Variants in INTS8 observed in about 807,000 individuals in gnomAD.
INTS8 encodes the protein integrator complex subunit 8.
INTS8 carries 47 observed loss-of-function variants against 138.9 expected under a neutral mutation model. The observed-to-expected ratio is 0.34, with a 90% CI of 0.27 to 0.43. INTS8 has a LOEUF of 0.43. Ranked by LOEUF, INTS8 falls within the 20% of genes least tolerant of loss-of-function variation. The pLI is 1.00. For synonymous variants in INTS8, 392 were observed against 400.9 expected (o/e 0.98, Z 0.27); for missense variants, 996 against 1,173.0 (o/e 0.85, Z 2.20).
In INTS8 at chr8:94,856,785, C is replaced by G. The variant is rs200332946; in HGVS notation, c.1761C>G (p.Ser587=). The change falls in exon 15 of 27, where the codon TCC becomes TCG. Residue 587 remains serine (S), a synonymous_variant. Coordinates refer to ENST00000523731, the MANE Select transcript of INTS8 (RefSeq NM_017864.4). ...TCTTTTTCTTTTCATAGGACTTTTC[C>G]CATGCTAAACAGCTCTTTGCTGCTT... ...GLHCSTVKDF[S]HAKQLFAACL... is the part of the protein sequence containing the mutation. The G allele has an allele frequency of 2.5e-6, 4 of 1,614,000 alleles. No individual in the cohort carries two copies. The highest frequency in any genetic ancestry group is 1.6e-4 in the Middle Eastern group (1 of 6,062).
intron 2 of INTS8, 107 bp downstream of exon 2, chr8:94,825,174 G>A (rs1814444491): frequency 2.6e-6 from 2 of 773,808 alleles, no homozygotes; most frequent in Non-Finnish European, 2.1e-6. Context: ...CGTGCTGGGC[G>A]CCGTGGCTCA....
At position 94,881,603 on chromosome 8, in the gene INTS8, A is replaced by G; in HGVS notation, c.*1369A>G. On this transcript the variant is annotated 3_prime_UTR_variant, in exon 27 of 27. Transcript: ENST00000523731. ...TACCAGTTCTACCCAATCTTGGTGA[A>G]TTCCAACTTGTTTGCTTAGTTATCT... 1 of 1,609,824 alleles carries G rather than the reference A, an allele frequency of 6.2e-7. No individual in the cohort carries two copies. Among genetic ancestry groups the G allele is most frequent in the Non-Finnish European group, 8.5e-7 (1 of 1,178,452 alleles).
In INTS8 at chr8:94,853,843, A is replaced by T; in HGVS notation, c.1680A>T (p.Gly560=). The change falls in exon 14 of 27, where the codon GGA becomes GGT. Residue 560 remains glycine, a synonymous_variant. Coordinates refer to ENST00000523731, the MANE Select transcript of INTS8 (RefSeq NM_017864.4). ...VPSVYSGVIL[G]IKDNLTRDLV... Reference sequence around the variant, plus strand: ...CTGTCTATAGTGGTGTTATCCTGGGAATTAAAGACAATTTAACAAGAGATT... The same window carrying T: ...CTGTCTATAGTGGTGTTATCCTGGGTATTAAAGACAATTTAACAAGAGATT... 2 of 1,611,560 alleles carry T rather than the reference A, an allele frequency of 1.2e-6. No homozygotes were observed. Among genetic ancestry groups the T allele is most frequent in the Non-Finnish European group, 1.7e-6 (2 of 1,177,722 alleles).
chr8:94,876,374 AC>A, intron 25 of INTS8, 71 bp from the exon 26 acceptor site: 1 of 1,429,340 alleles, frequency 7.0e-7, no homozygotes, highest in Non-Finnish European at 9.7e-7. Context: ...CCAAATCAAA[AC>A]TGAAAATGAG....
At chr8:94,874,473 C>T in intron 22 of INTS8, 79 bp from the exon 23 acceptor site, 1 of 783,154 alleles carries the variant, frequency 1.3e-6, no homozygotes, top group South Asian at 1.4e-5. Flanking sequence ...CCTCTTTTGA[C>T]ATCCCATACC....
At chr8:94,824,135 G>A (rs1301098478) in intron 1 of INTS8, among the ~76,000 whole-genome samples, 1 of 152,200 alleles carries the variant, frequency 6.6e-6, no homozygotes, top group African/African-American at 2.4e-5. Flanking sequence ...ATGATTAATA[G>A]CCCAGTTAAA....
At position 94,880,980 on chromosome 8, in the gene INTS8, T is replaced by C. The variant is rs998173135; in HGVS notation, c.*746T>C. The C allele has an allele frequency of 5.0e-6, 2 of 398,634 alleles. No individual in the cohort carries two copies. Among genetic ancestry groups the C allele is most frequent in the Non-Finnish European group, 8.9e-6 (2 of 225,888 alleles). 24.7% of individuals were successfully genotyped at this position (398,634 alleles called of 1,614,324 possible). A position where few individuals can be genotyped will look rare whatever the true frequency, so the allele number is the denominator to read the frequency against. Reference sequence around the variant, plus strand: ...TACTCCCACTGTTTAGAGCACAGGTTGAACACCATGTTCATCTAAGCCTTA... The same window carrying C: ...TACTCCCACTGTTTAGAGCACAGGTCGAACACCATGTTCATCTAAGCCTTA... On this transcript the variant is annotated 3_prime_UTR_variant, in exon 27 of 27. Transcript: ENST00000523731.
At chr8:94,871,647 C>T (rs1816402039) in intron 20 of INTS8, among the ~76,000 whole-genome samples, 1 of 152,190 alleles carries the variant, frequency 6.6e-6, no homozygotes, top group South Asian at 2.1e-4. Context: ...CTACCTTTGA[C>T]ATTCTGAAGA....
intron 16 of INTS8, among the ~76,000 whole-genome samples, 159 bp from the exon 17 acceptor site, chr8:94,865,347 T>C (rs1028637091): frequency 6.6e-6 from 1 of 152,234 alleles, no homozygotes; most frequent in Non-Finnish European, 1.5e-5. Flanking sequence ...CAATGAGCCC[T>C]AAATTCCTCA....
At position 94,825,062 on chromosome 8, in the gene INTS8, G is replaced by A. The variant is rs141032302; in HGVS notation, c.300G>A (p.Glu100=). The change falls in exon 2 of 27, where the codon GAG becomes GAA. Residue 100 remains glutamate, a synonymous_variant. Coordinates refer to ENST00000523731, the MANE Select transcript of INTS8 (RefSeq NM_017864.4). ...AHLKWDLDIL[E]KSLSVPVLNM... The stretch of plus-strand genomic sequence containing the variant: ...TGAAGTGGGACTTAGACATATTAGA[G>A]AAAAGGTATCCAAGATTTCAGTGAA... The A allele has an allele frequency of 2.0e-4, 314 of 1,594,878 alleles. No individual in the cohort carries two copies. The African/African-American group carries it at 3.1e-3, about 16-fold the overall frequency.
In INTS8 at chr8:94,867,037, G is replaced by A. The variant is rs1816202808; in HGVS notation, c.2296-103G>A. The A allele has an allele frequency of 3.3e-6, 3 of 900,626 alleles. No individual in the cohort carries two copies. The African/African-American group carries it at 5.1e-5, about 15-fold the overall frequency. 55.8% of individuals were successfully genotyped at this position (900,626 alleles called of 1,614,324 possible). The stretch of plus-strand genomic sequence containing the variant: ...TAAAACAGATGCTACATTTTCAAAA[G>A]GCAAGGGTCTTTTAGAATGCTTGAT... On this transcript the variant is annotated intron_variant, in intron 18 of 26. Coordinates refer to ENST00000523731, the MANE Select transcript of INTS8 (RefSeq NM_017864.4).
chr8:94,845,048 C>A (rs1815283082), intron 10 of INTS8, among the ~76,000 whole-genome samples: 2 of 152,156 alleles, frequency 1.3e-5, no homozygotes, highest in African/African-American at 2.4e-5. Context: ...GCCACCACGC[C>A]CAGCTTAGTT....
At chr8:94,832,506 ATAT>A (rs1396469190) in intron 6 of INTS8, among the ~76,000 whole-genome samples, 1 of 152,196 alleles carries the variant, frequency 6.6e-6, no homozygotes, top group Non-Finnish European at 1.5e-5. Flanking sequence ...ATAAAAACTA[ATAT>A]TATGCTAGAC....
At chr8:94,860,031 CTA>C (rs941983162) in intron 16 of INTS8, 43 of 156,612 alleles carry the variant, frequency 2.7e-4, no homozygotes, top group Non-Finnish European at 5.7e-4. Context: ...TCTAAGTTTG[CTA>C]TGTCTGAATC....
At position 94,865,690 on chromosome 8, in the gene INTS8, G is replaced by A. The variant is rs1393118318; in HGVS notation, c.2261G>A (p.Arg754Gln). ...GAATCTACGTTAGGTATCATGTATCGGTATGTATTGGTACGTTTCTATTAG... is the reference window on the plus strand; with the variant it reads ...GAATCTACGTTAGGTATCATGTATCAGTATGTATTGGTACGTTTCTATTAG... ...QRESTLGIMY[R>Q]SELLSFIKKL... The change falls in exon 17 of 27, where the codon CGG (arginine) becomes CAG (glutamine). Residue 754 changes from arginine (R) to glutamine (Q), a missense_variant and splice_region_variant. By Grantham distance (43) the Arg-to-Gln change is conservative. Coordinates refer to ENST00000523731, the MANE Select transcript of INTS8 (RefSeq NM_017864.4). The A allele has an allele frequency of 1.2e-6, 2 of 1,611,480 alleles. No individual in the cohort carries two copies.
At chr8:94,870,208 T>C (rs1025868787) in intron 20 of INTS8, among the ~76,000 whole-genome samples, 5 of 151,964 alleles carry the variant, frequency 3.3e-5, no homozygotes, top group South Asian at 2.1e-4. Context: ...CCCACCACCA[T>C]GCCTGGCTAA....
intron 17 of INTS8, among the ~76,000 whole-genome samples, 198 bp from the exon 18 acceptor site, chr8:94,865,960 G>A (rs1816162575): frequency 6.6e-6 from 1 of 152,106 alleles, no homozygotes; most frequent in Non-Finnish European, 1.5e-5. Context: ...ATTTAAGGTT[G>A]GATAGTATTG....
At chr8:94,857,064 T>G in intron 15 of INTS8, 86 bp downstream of exon 15, 1 of 1,008,078 alleles carries the variant, frequency 9.9e-7, no homozygotes, top group Non-Finnish European at 1.4e-6. Context: ...TTATTTGAGT[T>G]TGTAATCTTT....
intron 1 of INTS8, among the ~76,000 whole-genome samples, chr8:94,823,803 C>T (rs367969867): frequency 6.6e-6 from 1 of 152,234 alleles, no homozygotes; most frequent in Non-Finnish European, 1.5e-5. Flanking sequence ...ATCCTAAACC[C>T]TTTGGTCCTT....
Sources: gnomAD v4.1 joint callset for allele counts (sites outside exome capture counted in the v4.1 genomes callset) on GRCh38, gnomAD v4.1.1 for gene constraint, MANE v1.5 for transcripts, NCBI Gene and HGNC (gene_info 2026-07-23, HGNC 2026-07-21) for gene names.